The following BDP1 variants were observed in gnomAD, a reference collection of about 807,000 sequenced individuals.
The protein encoded by BDP1 is BDP1 general transcription factor IIIB subunit, also known as transcription factor TFIIIB component B'' homolog.
In BDP1, 169 loss-of-function variants were observed where a neutral mutation model predicts 266.6. That is an observed-to-expected ratio of 0.63 (90% CI 0.56 to 0.72). The LOEUF (loss-of-function observed/expected upper bound fraction) is 0.72, where lower values mean the gene tolerates loss of function less well. Ranked by LOEUF, BDP1 falls within the 30% of genes least tolerant of loss-of-function variation. The pLI is 0.00. For synonymous variants in BDP1, 1,090 were observed against 1,022.4 expected, an observed-to-expected ratio of 1.07 and a Z score of -1.26; for missense variants, 3,015 against 3,053.8, an observed-to-expected ratio of 0.99 and a Z score of 0.30.
At chr5:71,549,332 G>A (rs1238364024) in intron 33 of BDP1, 88 bp from the exon 34 acceptor site, 13 of 1,092,422 alleles carry the variant, frequency 1.2e-5, no homozygotes. Context: ...GTTGTCCTGA[G>A]ACTGTCTTTT....
intron 16 of BDP1, among the ~76,000 whole-genome samples, chr5:71,507,405 T>A (rs539162891): frequency 2.6e-4 from 40 of 152,332 alleles, no homozygotes; most frequent in Admixed American, 2.2e-3. Context: ...ACAATCAATC[T>A]ATTGCTTTGG....
At position 71,517,446 on chromosome 5, in the gene BDP1, C is replaced by G. The variant is rs760400111; in HGVS notation, c.4985C>G (p.Thr1662Arg). 1.3e-6 allele frequency: 2 copies of G among 1,571,582 alleles called. No homozygotes were observed. The highest frequency in any genetic ancestry group is 2.4e-5 in the South Asian group (2 of 81,940). The change falls in exon 22 of 39, where the codon ACA (threonine) becomes AGA (arginine). Residue 1662 changes from threonine (T) to arginine (R), a missense_variant. Thr to Arg is a moderately conservative substitution (Grantham distance 71). This residue lies in a region of BDP1 where 2,383 missense variants were observed against 2,404.9 expected (regional missense o/e 0.99). Transcript: ENST00000358731. ...CTTCATGTTAACAAAACAAATGAAACAATCAGGTGAGTTTGCTTTTAATGA... is the reference window on the plus strand; with the variant it reads ...CTTCATGTTAACAAAACAAATGAAAGAATCAGGTGAGTTTGCTTTTAATGA... ...ENLHVNKTNE[T>R]IRHENKPYVP...
rs549771062 is a variant in BDP1, at chr5:71,512,872, C to T, written c.4248-313C>T. ...GAGTTTGAGACCAGCCTGGGCAACA[C>T]GCTGTAGAAACCCCATCTCTATAAA... On this transcript the variant is annotated intron_variant, in intron 18 of 38. Coordinates refer to ENST00000358731, the MANE Select transcript of BDP1 (RefSeq NM_018429.3). Among the ~76,000 whole-genome samples, 5 of 151,776 alleles carry T rather than the reference C, an allele frequency of 3.3e-5. No individual in the cohort carries two copies. The East Asian group carries it at 5.8e-4, about 18-fold the overall frequency.
chr5:71,478,173 C>T (rs569163314), intron 7 of BDP1, among the ~76,000 whole-genome samples: 1 of 152,178 alleles, frequency 6.6e-6, no homozygotes, highest in Middle Eastern at 3.4e-3. Context: ...TCGCTTGAAC[C>T]CGGGAGGTGG....
chr5:71,539,005 A>C, intron 26 of BDP1, 37 bp from the exon 27 acceptor site: 1 of 1,399,018 alleles, frequency 7.1e-7, no homozygotes, highest in Non-Finnish European at 1.0e-6. Context: ...TGTTTGGGGA[A>C]GTATTTTAAG....
At chr5:71,522,679 T>G in intron 23 of BDP1, 77 bp from the exon 24 acceptor site, 1 of 1,404,448 alleles carries the variant, frequency 7.1e-7, no homozygotes, top group Non-Finnish European at 9.7e-7. Context: ...CTTAGAGGTT[T>G]AGGCCAAACT....
Position 71,566,015 on chromosome 5 carries a change from T to G in BDP1, c.*1130T>G, listed in dbSNP as rs1744010386. On this transcript the variant is annotated 3_prime_UTR_variant, in exon 39 of 39. Transcript: ENST00000358731. ...CATTAAATTTATGTTTGTCTCCTTT[T>G]TCTGTTTAATTTTAAAGATATTTAA... 1 of 223,018 alleles carries G rather than the reference T, an allele frequency of 4.5e-6. No individual in the cohort carries two copies. Among genetic ancestry groups the G allele is most frequent in the African/African-American group, 2.3e-5 (1 of 42,810 alleles). 13.8% of individuals were successfully genotyped at this position (223,018 alleles called of 1,614,324 possible). A position where few individuals can be genotyped will look rare whatever the true frequency, so the allele number is the denominator to read the frequency against.
In BDP1 at chr5:71,516,079, T is replaced by C. The variant is rs777040477; in HGVS notation, c.4668T>C (p.Thr1556=). The change falls in exon 21 of 39, where the codon ACT becomes ACC. Residue 1556 remains threonine (T), a synonymous_variant. Transcript: ENST00000358731. ...TGTTTAGGACTAATAATGTAAACAC[T>C]TTCCAGCAAGAAATGAAGGAAAGTG... is the stretch of plus-strand genomic sequence containing the variant. ...VVSVGTNNVN[T]FQQEMKESVI... is the part of the protein sequence containing the mutation. 2.5e-6 allele frequency: 4 copies of C among 1,607,312 alleles called. No homozygotes were observed. The South Asian group carries it at 3.3e-5, about 13-fold the overall frequency.
rs775827046 is a variant in BDP1, at chr5:71,560,256, T to C, written c.7496+19T>C. 6.2e-7 allele frequency: 1 copy of C among 1,610,102 alleles called. No homozygotes were observed. Among genetic ancestry groups the C allele is most frequent in the Non-Finnish European group, 8.5e-7 (1 of 1,178,070 alleles). ...TATCCAGGTATCATGAACAAATCTT[T>C]AATAAGTGTTTTGCTCTCTGTCTTA... On this transcript the variant is annotated intron_variant, in intron 37 of 38. Transcript: ENST00000358731.
At chr5:71,562,750 C>G in intron 38 of BDP1, 1 of 1,430,740 alleles carries the variant, frequency 7.0e-7, no homozygotes, top group Non-Finnish European at 9.3e-7. Flanking sequence ...TAAATGGACA[C>G]TTAATAGCCA....
At chr5:71,532,772 A>G (rs1401858800) in intron 26 of BDP1, among the ~76,000 whole-genome samples, 3 of 152,222 alleles carry the variant, frequency 2.0e-5, no homozygotes, top group African/African-American at 7.2e-5. Flanking sequence ...GTAACTTTTT[A>G]AAAACAGCTT....
intron 26 of BDP1, among the ~76,000 whole-genome samples, chr5:71,536,220 A>T (rs1163948986): frequency 6.6e-6 from 1 of 152,176 alleles, no homozygotes; most frequent in Non-Finnish European, 1.5e-5. Context: ...CTTCACATTT[A>T]TACCGAAAAT....
At position 71,516,361 on chromosome 5, in the gene BDP1, C is replaced by G. The variant is rs796550711; in HGVS notation, c.4860+90C>G. The G allele has an allele frequency of 1.1e-4, 103 of 952,130 alleles. 1 individual carries two copies. The African/African-American group carries it at 1.6e-3, about 15-fold the overall frequency. 59.0% of individuals were successfully genotyped at this position (952,130 alleles called of 1,614,324 possible). ...AGACATAGCTTAGAAATACAGGCAT[C>G]TGACACTTATTCTACTCAATGAATA... On this transcript the variant is annotated intron_variant, in intron 21 of 38. Coordinates refer to ENST00000358731, the MANE Select transcript of BDP1 (RefSeq NM_018429.3).
At chr5:71,512,870 C>A (rs185997775) in intron 18 of BDP1, among the ~76,000 whole-genome samples, 1 of 151,832 alleles carries the variant, frequency 6.6e-6, no homozygotes, top group Non-Finnish European at 1.5e-5. Context: ...GCCTGGGCAA[C>A]ACGCTGTAGA....
At chr5:71,536,593 T>C (rs762430747) in intron 26 of BDP1, among the ~76,000 whole-genome samples, 50 of 151,958 alleles carry the variant, frequency 3.3e-4, no homozygotes, top group Non-Finnish European at 5.6e-4. Context: ...ATCTCAGTAA[T>C]TTGGGAGGTG....
chr5:71,459,045 T>A (rs1761377989), intron 2 of BDP1, among the ~76,000 whole-genome samples, 190 bp downstream of exon 2: 1 of 152,250 alleles, frequency 6.6e-6, no homozygotes, highest in African/African-American at 2.4e-5. Context: ...TTTTCACTGA[T>A]AGTAATTTTT....
At chr5:71,462,759 CA>C (rs549285777) in intron 3 of BDP1, among the ~76,000 whole-genome samples, 42 of 144,312 alleles carry the variant, frequency 2.9e-4, no homozygotes, top group African/African-American at 5.3e-4. Context: ...GATCCTGTCT[CA>C]AAAAAAAAAA....
At chr5:71,473,247 A>G (rs548884602) in intron 7 of BDP1, among the ~76,000 whole-genome samples, 11 of 140,088 alleles carry the variant, frequency 7.9e-5, no homozygotes, top group Non-Finnish European at 1.7e-4. Flanking sequence ...TAATGAACCA[A>G]CTTTTCTTAA....
downstream of BDP1, among the ~76,000 whole-genome samples, chr5:71,568,954 C>T (rs972148761): frequency 6.6e-6 from 1 of 152,144 alleles, no homozygotes; most frequent in African/African-American, 2.4e-5. Context: ...ATTTTTCTTA[C>T]TGGAATGGAA....
Sources: gnomAD v4.1 joint callset for allele counts (sites outside exome capture counted in the v4.1 genomes callset) on GRCh38, gnomAD v4.1.1 for gene constraint, gnomAD v4.1.1 regional missense constraint, MANE v1.5 for transcripts, NCBI Gene and HGNC (gene_info 2026-07-23, HGNC 2026-07-21) for gene names.